NELL2: variants seen among roughly 807,000 people sequenced by gnomAD.
NELL2 encodes protein kinase C-binding protein NELL2.
Under a neutral mutation model 109.6 loss-of-function variants are expected in NELL2, and 41 were observed. The ratio of observed to expected loss-of-function variants is 0.37; its 90% CI spans 0.29 to 0.49. NELL2 has a LOEUF of 0.49. Among genes scored for constraint, NELL2 ranks in the 20% least tolerant of loss-of-function variants. The pLI is 0.98. For synonymous variants in NELL2, 355 were observed against 344.7 expected (o/e 1.03, Z -0.33); for missense variants, 900 against 1,008.3 (o/e 0.89, Z 1.45).
chr12:44,764,345 T>G (rs1941244188), intron 9 of NELL2, among the ~76,000 whole-genome samples: 1 of 152,210 alleles, frequency 6.6e-6, no homozygotes, highest in Admixed American at 6.5e-5. Flanking sequence ...ATGTATGAAG[T>G]CTTACAAAGT....
chr12:44,581,621 A>T (rs1036022047), intron 15 of NELL2, among the ~76,000 whole-genome samples: 2 of 148,794 alleles, frequency 1.3e-5, no homozygotes, highest in Non-Finnish European at 2.9e-5. Context: ...CTCTTTATAT[A>T]GGTTGGTTAA....
intron 12 of NELL2, among the ~76,000 whole-genome samples, chr12:44,684,129 T>G (rs1486389254): frequency 6.6e-6 from 1 of 152,224 alleles, no homozygotes; most frequent in Admixed American, 6.5e-5. Flanking sequence ...ATTCAACTTC[T>G]TCCTGGTTTA....
At chr12:44,780,052 T>C in intron 3 of NELL2, 30 bp from the exon 4 acceptor site, 1 of 1,603,752 alleles carries the variant, frequency 6.2e-7, no homozygotes, top group Non-Finnish European at 8.5e-7. Flanking sequence ...ATGGGACACA[T>C]TAAAAATAAA....
chr12:44,556,126 C>A (rs564020495), intron 15 of NELL2, among the ~76,000 whole-genome samples: 1 of 152,300 alleles, frequency 6.6e-6, no homozygotes, highest in Non-Finnish European at 1.5e-5. Flanking sequence ...TGATGCTAAT[C>A]CAGCATAGCT....
chr12:44,601,500 A>G (rs1263800240), intron 15 of NELL2, among the ~76,000 whole-genome samples: 1 of 152,220 alleles, frequency 6.6e-6, no homozygotes, highest in Admixed American at 6.5e-5. Context: ...ACTATAGTAC[A>G]GTAAAATTAT....
chr12:44,771,428 C>A (rs540650440), intron 9 of NELL2, among the ~76,000 whole-genome samples: 1 of 151,876 alleles, frequency 6.6e-6, no homozygotes, highest in Non-Finnish European at 1.5e-5. Flanking sequence ...ACTGCACGTT[C>A]CTGAATGACT....
At chr12:44,597,949 T>C (rs1565992576) in intron 15 of NELL2, among the ~76,000 whole-genome samples, 1 of 152,164 alleles carries the variant, frequency 6.6e-6, no homozygotes, top group Non-Finnish European at 1.5e-5. Context: ...TGTCATAATG[T>C]TATTTGATCC....
intron 13 of NELL2, among the ~76,000 whole-genome samples, chr12:44,615,578 A>G (rs1945789314): frequency 6.6e-6 from 1 of 152,110 alleles, no homozygotes; most frequent in South Asian, 2.1e-4. Context: ...TATGTAATTG[A>G]TTGCCCAACA....
chr12:44,897,592 T>C (rs1161761657), intron 1 of NELL2, among the ~76,000 whole-genome samples: 1 of 152,152 alleles, frequency 6.6e-6, no homozygotes, highest in Non-Finnish European at 1.5e-5. Flanking sequence ...CCAGCCCAGA[T>C]ACTCTGCTTT....
intron 12 of NELL2, among the ~76,000 whole-genome samples, chr12:44,678,034 G>A (rs1948374977): frequency 6.6e-6 from 1 of 152,084 alleles, no homozygotes; most frequent in South Asian, 2.1e-4. Context: ...TAAAGCCATG[G>A]TGTTAGACAG....
chr12:44,708,383 A>C (rs1938005360), intron 11 of NELL2, among the ~76,000 whole-genome samples: 1 of 152,136 alleles, frequency 6.6e-6, no homozygotes, highest in South Asian at 2.1e-4. Flanking sequence ...TCTAGTGAAA[A>C]AGTCAACACT....
chr12:44,775,255 GCA>G (rs146916774), intron 8 of NELL2, among the ~76,000 whole-genome samples: 11 of 149,668 alleles, frequency 7.3e-5, no homozygotes, highest in Middle Eastern at 3.5e-3. Context: ...GCGTGCGCAC[GCA>G]CACACACACA....
chr12:44,820,333 G>A (rs1034677195), intron 2 of NELL2, among the ~76,000 whole-genome samples: 1 of 152,194 alleles, frequency 6.6e-6, no homozygotes, highest in African/African-American at 2.4e-5. Flanking sequence ...TCTAGGCCGG[G>A]CGCAGTGGCT....
intron 9 of NELL2, among the ~76,000 whole-genome samples, chr12:44,743,212 A>G (rs1343109055): frequency 1.3e-5 from 2 of 152,168 alleles, no homozygotes; most frequent in African/African-American, 2.4e-5. Context: ...AGCTTCATAA[A>G]TGAAGGAGAA....
intron 2 of NELL2, among the ~76,000 whole-genome samples, chr12:44,822,614 G>A (rs1566474084): frequency 6.6e-6 from 1 of 152,202 alleles, no homozygotes; most frequent in Non-Finnish European, 1.5e-5. Context: ...GCTCTATAGA[G>A]AAACTTATCG....
At chr12:44,670,028 T>C (rs918163387) in intron 12 of NELL2, among the ~76,000 whole-genome samples, 3 of 152,128 alleles carry the variant, frequency 2.0e-5, no homozygotes, top group Non-Finnish European at 2.9e-5. Context: ...CCTATCAGAC[T>C]ACCTTGATTT....
At chr12:44,863,873 T>A (rs1286827144) in intron 2 of NELL2, among the ~76,000 whole-genome samples, 1 of 152,026 alleles carries the variant, frequency 6.6e-6, no homozygotes, top group African/African-American at 2.4e-5. Context: ...AAGGAATACA[T>A]GATATAAAAA....
intron 2 of NELL2, among the ~76,000 whole-genome samples, chr12:44,839,339 T>G (rs187974815): frequency 1.5e-3 from 221 of 152,140 alleles, no homozygotes; most frequent in Admixed American, 4.1e-3. Context: ...TGGCGATAAA[T>G]AAAAACAAGA....
At position 44,723,107 on chromosome 12, in the gene NELL2, T is replaced by C. The variant is rs1047621774; in HGVS notation, c.995-8366A>G. ...GGGAGACTGAGGCAGGAGAATGACA[T>C]GAACCCGGGAGGCGGAGCTTGCAGT... On this transcript the variant is annotated intron_variant, in intron 9 of 19. Transcript: ENST00000429094. Among the ~76,000 whole-genome samples, 5 of 151,428 alleles carry C rather than the reference T, an allele frequency of 3.3e-5. No homozygotes were observed. In the South Asian group the frequency reaches 1.0e-3, roughly 32 times the overall value.
Sources: gnomAD v4.1 joint callset for allele counts (sites outside exome capture counted in the v4.1 genomes callset) on GRCh38, gnomAD v4.1.1 for gene constraint, MANE v1.5 for transcripts, NCBI Gene and HGNC (gene_info 2026-07-23, HGNC 2026-07-21) for gene names.